The following EPHB1 variants were observed in gnomAD, a reference collection of about 807,000 sequenced individuals.
The protein encoded by EPHB1 is ephrin type-B receptor 1.
In EPHB1, 30 loss-of-function variants were observed where a neutral mutation model predicts 94.4. That is an observed-to-expected ratio of 0.32 (90% CI 0.24 to 0.43). The LOEUF (loss-of-function observed/expected upper bound fraction) is 0.43, where lower values mean the gene tolerates loss of function less well. Ranked by LOEUF, EPHB1 falls within the 20% of genes least tolerant of loss-of-function variation. The pLI, the probability that EPHB1 is intolerant of heterozygous loss-of-function variation, is 1.00. For synonymous variants in EPHB1, 522 were observed against 489.1 expected (o/e 1.07, Z -0.89); for missense variants, 1,055 against 1,308.3 (o/e 0.81, Z 2.99).
At chr3:135,243,841 C>CTGAT (rs1225387797) in intron 13 of EPHB1, among the ~76,000 whole-genome samples, 1 of 152,166 alleles carries the variant, frequency 6.6e-6, no homozygotes. Context: ...CTGCTTGGAT[C>CTGAT]TGATTGACAG....
intron 3 of EPHB1, among the ~76,000 whole-genome samples, chr3:134,952,322 G>C (rs1307030973): frequency 3.3e-5 from 5 of 151,794 alleles, no homozygotes; most frequent in Non-Finnish European, 5.9e-5. Context: ...ATAATATTTA[G>C]TGTTGAAGTG....
At chr3:135,194,013 G>T (rs1003308928) in intron 11 of EPHB1, among the ~76,000 whole-genome samples, 1 of 152,144 alleles carries the variant, frequency 6.6e-6, no homozygotes, top group African/African-American at 2.4e-5. Flanking sequence ...ATCTTTCTAG[G>T]TGGCCTGCTT....
At chr3:134,826,551 G>A (rs1030096316) in intron 1 of EPHB1, among the ~76,000 whole-genome samples, 2 of 151,892 alleles carry the variant, frequency 1.3e-5, no homozygotes, top group African/African-American at 2.4e-5. Context: ...TGTTTTTCAG[G>A]GCCCTAATCA....
At chr3:135,014,529 A>G (rs1415444735) in intron 3 of EPHB1, among the ~76,000 whole-genome samples, 1 of 152,254 alleles carries the variant, frequency 6.6e-6, no homozygotes, top group African/African-American at 2.4e-5. Context: ...AAGACCATAC[A>G]TACTGAGTGG....
At position 135,221,427 on chromosome 3, in the gene EPHB1, G is replaced by A. The variant is rs546526199; in HGVS notation, c.2347-19721G>A. Among the ~76,000 whole-genome samples the A allele has an allele frequency of 1.3e-4, 20 of 152,176 alleles. No individual in the cohort carries two copies. In the East Asian group the frequency reaches 2.1e-3, roughly 16 times the overall value. On this transcript the variant is annotated intron_variant, in intron 12 of 15. Transcript: ENST00000398015. Reference sequence around the variant, plus strand: ...GTTTTGACTTTTGGTATCCATTACCGTACTAGTAATCATTATCTTCAATAA... The same window carrying A: ...GTTTTGACTTTTGGTATCCATTACCATACTAGTAATCATTATCTTCAATAA...
chr3:135,007,017 A>T (rs1375723035), intron 3 of EPHB1, among the ~76,000 whole-genome samples: 2 of 152,206 alleles, frequency 1.3e-5, no homozygotes, highest in Non-Finnish European at 2.9e-5. Context: ...ATCAGGAGTC[A>T]CTTTGGTTCC....
intron 4 of EPHB1, among the ~76,000 whole-genome samples, chr3:135,130,876 A>G (rs893002518): frequency 1.3e-5 from 2 of 152,182 alleles, no homozygotes; most frequent in East Asian, 1.9e-4. Context: ...GCTCTCTGCT[A>G]TAGAAGTGAG....
chr3:135,173,191 C>A (rs1163210395), intron 9 of EPHB1, among the ~76,000 whole-genome samples: 3 of 151,498 alleles, frequency 2.0e-5, no homozygotes, highest in Non-Finnish European at 4.4e-5. Context: ...CGCGCCACTA[C>A]GCCCGGCTAA....
intron 12 of EPHB1, among the ~76,000 whole-genome samples, chr3:135,230,664 C>T (rs1943513162): frequency 1.3e-5 from 2 of 151,986 alleles, no homozygotes; most frequent in South Asian, 2.1e-4. Context: ...GTGTATTGGA[C>T]CCAAGTAGTG....
At chr3:134,928,503 T>G (rs1271249136) in intron 2 of EPHB1, among the ~76,000 whole-genome samples, 1 of 152,224 alleles carries the variant, frequency 6.6e-6, no homozygotes, top group Admixed American at 6.5e-5. Context: ...GTTTCACTAT[T>G]GAAAGTTTCT....
At chr3:134,934,554 CTG>C (rs3836288) in intron 2 of EPHB1, among the ~76,000 whole-genome samples, 4,221 of 152,304 alleles carry the variant, frequency 0.028, 138 homozygotes, top group African/African-American at 0.078. Flanking sequence ...TCCTATGAGA[CTG>C]TTTTTATGGG....
chr3:135,225,115 T>G (rs1191775061), intron 12 of EPHB1, among the ~76,000 whole-genome samples: 1 of 152,208 alleles, frequency 6.6e-6, no homozygotes, highest in Non-Finnish European at 1.5e-5. Flanking sequence ...TTTCTGTTTC[T>G]GTCTTCACAC....
chr3:135,224,905 T>C (rs895777296), intron 12 of EPHB1, among the ~76,000 whole-genome samples: 2 of 152,194 alleles, frequency 1.3e-5, no homozygotes, highest in African/African-American at 2.4e-5. Context: ...GCCAAGAACA[T>C]TAAGATTCTC....
intron 4 of EPHB1, among the ~76,000 whole-genome samples, chr3:135,109,109 G>T (rs549782641): frequency 6.6e-6 from 1 of 152,166 alleles, no homozygotes; most frequent in African/African-American, 2.4e-5. Flanking sequence ...TGAAAAAGCC[G>T]CTGCCTTCCT....
chr3:134,972,487 C>CATTATATATTTATTATAAATATATATT (rs71997720), intron 3 of EPHB1, among the ~76,000 whole-genome samples: 2,206 of 137,610 alleles, frequency 0.016, 36 homozygotes, highest in Middle Eastern at 0.046. Flanking sequence ...ATATACTATA[C>CATTATATATTTATTATAAATATATATT]ATTATATATT....
intron 1 of EPHB1, among the ~76,000 whole-genome samples, chr3:134,892,108 T>C (rs1008050237): frequency 2.0e-5 from 3 of 152,168 alleles, no homozygotes; most frequent in African/African-American, 7.2e-5. Context: ...TTTTTCAGAG[T>C]TGAATTTATA....
At chr3:135,215,014 A>G (rs1943114872) in intron 12 of EPHB1, among the ~76,000 whole-genome samples, 1 of 152,198 alleles carries the variant, frequency 6.6e-6, no homozygotes, top group African/African-American at 2.4e-5. Context: ...GTAAAAACCC[A>G]TCTGATAAAC....
intron 1 of EPHB1, among the ~76,000 whole-genome samples, chr3:134,881,309 T>A (rs2037726094): frequency 6.6e-6 from 1 of 152,118 alleles, no homozygotes; most frequent in South Asian, 2.1e-4. Flanking sequence ...TGTTGCAGTA[T>A]GTTGTATGTA....
intron 11 of EPHB1, among the ~76,000 whole-genome samples, chr3:135,196,956 G>A (rs952595036): frequency 3.9e-5 from 6 of 151,906 alleles, no homozygotes; most frequent in Non-Finnish European, 7.4e-5. Context: ...TGGCTCTTCC[G>A]TAATATTAGA....
Sources: allele counts gnomAD v4.1 joint callset (sites outside exome capture counted in the v4.1 genomes callset), GRCh38; gene constraint gnomAD v4.1.1; transcripts MANE v1.5; gene names NCBI Gene and HGNC (gene_info 2026-07-23, HGNC 2026-07-21).